The following CMTR1 variants were observed in gnomAD, a reference collection of about 807,000 sequenced individuals.
CMTR1 encodes the protein cap methyltransferase 1.
CMTR1 carries 39 observed loss-of-function variants against 107.0 expected under a neutral mutation model. The observed-to-expected ratio is 0.36, with a 90% CI of 0.28 to 0.48. The LOEUF (loss-of-function observed/expected upper bound fraction) is 0.48. Among genes scored for constraint, CMTR1 ranks in the 20% least tolerant of loss-of-function variants. CMTR1 has a pLI of 0.99. For missense variants in CMTR1, 672 were observed against 1,064.9 expected (o/e 0.63, Z 5.14); for synonymous variants, 366 against 379.5 (o/e 0.96, Z 0.41).
the CMTR1 span, among the ~76,000 whole-genome samples, chr6:37,425,979 A>AT: frequency 6.6e-6 from 1 of 151,758 alleles, no homozygotes; most frequent in Non-Finnish European, 1.5e-5. Context: ...TGTCTTTTTT[A>AT]TTTTTGTTCC....
chr6:37,461,664 T>C lies in CMTR1; in HGVS notation c.1192+19T>C. 1 of 1,533,998 alleles carries C rather than the reference T, an allele frequency of 6.5e-7. No homozygotes were observed. Among genetic ancestry groups the C allele is most frequent in the Admixed American group, 1.8e-5 (1 of 55,782 alleles). On this transcript the variant is annotated intron_variant, in intron 11 of 23. Coordinates refer to ENST00000373451, the MANE Select transcript of CMTR1 (RefSeq NM_015050.3). ...CGGACAGGTGACACTTCCTCAGCTG[T>C]CTCCTCACCCCAGGACCCACTTAGA...
intron 4 of CMTR1, among the ~76,000 whole-genome samples, chr6:37,446,744 C>T (rs1771805852): frequency 6.6e-6 from 1 of 152,180 alleles, no homozygotes; most frequent in Non-Finnish European, 1.5e-5. Context: ...TACAGCTCTC[C>T]ACTAGTGGAC....
intron 14 of CMTR1, 71 bp from the exon 15 acceptor site, chr6:37,471,776 A>G: frequency 7.3e-7 from 1 of 1,366,994 alleles, no homozygotes; most frequent in Non-Finnish European, 1.0e-6. Flanking sequence ...TCTATGGGAT[A>G]TGAGGGGTGC....
intron 6 of CMTR1, among the ~76,000 whole-genome samples, chr6:37,452,635 C>T (rs1761204968): frequency 1.3e-5 from 2 of 152,046 alleles, no homozygotes; most frequent in South Asian, 2.1e-4. Context: ...ATCAGAAAAC[C>T]CTAGTCTTGT....
rs1771796777 is a variant in CMTR1 at position 37,446,443 on chromosome 6, G to C, written c.438G>C (p.Glu146Asp). 6.2e-7 allele frequency: 1 copy of C among 1,612,666 alleles called. No individual in the cohort carries two copies. Reference sequence around the variant, plus strand: ...AGCTGAACGTGGACTGGCGAGATGAGCCAGAGGTAAGTGTTAAAGTGAGGA... The same window carrying C: ...AGCTGAACGTGGACTGGCGAGATGACCCAGAGGTAAGTGTTAAAGTGAGGA... ...DQELNVDWRD[E>D]PEPSACEQVS... Residue 146 changes from glutamate (E) to aspartate (D), a missense_variant, in exon 4 of 24, where the codon GAG becomes GAC. Transcript: ENST00000373451.
intron 13 of CMTR1, among the ~76,000 whole-genome samples, chr6:37,470,074 AATTTCT>A (rs1416355355): frequency 3.9e-5 from 6 of 151,922 alleles, no homozygotes; most frequent in Non-Finnish European, 8.8e-5. Context: ...TCATTTCTAG[AATTTCT>A]ATTTGCCTTT....
At chr6:37,464,928 G>GTA (rs1554121631) in intron 13 of CMTR1, among the ~76,000 whole-genome samples, 2 of 99,862 alleles carry the variant, frequency 2.0e-5, no homozygotes, top group Non-Finnish European at 4.3e-5. Context: ...GTGTGTGTGT[G>GTA]TACAGACAAA....
At chr6:37,470,975 G>A in intron 13 of CMTR1, 46 bp from the exon 14 acceptor site, 1 of 1,526,582 alleles carries the variant, frequency 6.6e-7, no homozygotes, top group Non-Finnish European at 8.9e-7. Context: ...TCAGTTACCT[G>A]TCTTTTTTGG....
In CMTR1 at chr6:37,474,644, G is replaced by C; in HGVS notation, c.1942G>C (p.Glu648Gln). ...SVEIVHELKG[E>Q]GKAQRKISAI... Reference sequence around the variant, plus strand: ...GGAAATTGTGCATGAGCTGAAAGGGGAGGTCAGAGATGGTTCTGCTCAGGT... The same window carrying C: ...GGAAATTGTGCATGAGCTGAAAGGGCAGGTCAGAGATGGTTCTGCTCAGGT... The change falls in exon 18 of 24, where the codon GAG becomes CAG. Residue 648 changes from glutamate to glutamine, a missense_variant and splice_region_variant. Physicochemically the swap from Glu to Gln is conservative, Grantham distance 29 (BLOSUM62 2). This residue lies in a region of CMTR1 where 583 missense variants were observed against 968.4 expected (regional missense o/e 0.60). Coordinates refer to ENST00000373451, the MANE Select transcript of CMTR1 (RefSeq NM_015050.3). The C allele has an allele frequency of 6.2e-7, 1 of 1,613,698 alleles. No homozygotes were observed. Among genetic ancestry groups the C allele is most frequent in the Non-Finnish European group, 8.5e-7 (1 of 1,179,742 alleles).
At chr6:37,454,642 A>G (rs571537818) in intron 8 of CMTR1, among the ~76,000 whole-genome samples, 1 of 152,160 alleles carries the variant, frequency 6.6e-6, no homozygotes, top group Admixed American at 6.5e-5. Flanking sequence ...GGGTTGTACC[A>G]TTCAGGTTGA....
chr6:37,428,032 GA>G, the CMTR1 span, among the ~76,000 whole-genome samples: 7 of 148,238 alleles, frequency 4.7e-5, no homozygotes, highest in Non-Finnish European at 9.1e-5. Context: ...GAGAGAGAGA[GA>G]GAGAGAGAGA....
chr6:37,460,058 A>G (rs543411555), intron 10 of CMTR1, among the ~76,000 whole-genome samples: 11 of 152,176 alleles, frequency 7.2e-5, no homozygotes, highest in Admixed American at 1.3e-4. Flanking sequence ...GGCCTTGTCT[A>G]TGGGCAGCTG....
At position 37,458,854 on chromosome 6, in the gene CMTR1, C is replaced by G. The variant is rs1474605511; in HGVS notation, c.976+44C>G. 1 of 1,573,986 alleles carries G rather than the reference C, an allele frequency of 6.4e-7. No homozygotes were observed. The highest frequency in any genetic ancestry group is 2.2e-5 in the East Asian group (1 of 44,618). Reference sequence around the variant, plus strand: ...GTACTAGGAGGTATGAGGGACAGCCCCTCTATGGGGACTTCAGGTCAGAAG... The same window carrying G: ...GTACTAGGAGGTATGAGGGACAGCCGCTCTATGGGGACTTCAGGTCAGAAG... On this transcript the variant is annotated intron_variant, in intron 9 of 23. Transcript: ENST00000373451. The surrounding 1 kb of genome is among the most constrained non-coding windows in gnomAD (Gnocchi z 4.7).
upstream of CMTR1, among the ~76,000 whole-genome samples, chr6:37,430,803 A>G (rs1771351654): frequency 6.6e-6 from 1 of 152,148 alleles, no homozygotes; most frequent in Admixed American, 6.5e-5. Flanking sequence ...TCACGAGGTC[A>G]GGAGATCAAG....
At chr6:37,478,047 C>T (rs1761774303) in intron 21 of CMTR1, among the ~76,000 whole-genome samples, 1 of 152,204 alleles carries the variant, frequency 6.6e-6, no homozygotes, top group Non-Finnish European at 1.5e-5. Flanking sequence ...CGGGTGCTCA[C>T]AGAACTCAGT....
At chr6:37,435,137 ATAT>A (rs1771499018) in intron 1 of CMTR1, among the ~76,000 whole-genome samples, 1 of 152,114 alleles carries the variant, frequency 6.6e-6, no homozygotes, top group Admixed American at 6.5e-5. Context: ...TATTTTTATG[ATAT>A]TATGTAATTT....
intron 8 of CMTR1, among the ~76,000 whole-genome samples, chr6:37,457,528 A>G (rs12200378): frequency 0.4 from 61,099 of 152,052 alleles, 15,190 homozygotes; most frequent in Middle Eastern, 0.6. Context: ...GAAAAAGAAC[A>G]TTAGTGAAAA....
intron 13 of CMTR1, among the ~76,000 whole-genome samples, chr6:37,469,036 C>T (rs759147173): frequency 8.5e-5 from 13 of 152,080 alleles, no homozygotes; most frequent in Non-Finnish European, 1.3e-4. Flanking sequence ...AAACTCCCTT[C>T]TGGCCAAAGA....
At chr6:37,459,848 A>G (rs1336232352) in intron 10 of CMTR1, among the ~76,000 whole-genome samples, 164 bp downstream of exon 10, 1 of 152,176 alleles carries the variant, frequency 6.6e-6, no homozygotes, top group Non-Finnish European at 1.5e-5. Flanking sequence ...TTTTTAAATG[A>G]TAATTGTGTA....
Sources: allele counts gnomAD v4.1 joint callset (sites outside exome capture counted in the v4.1 genomes callset), GRCh38; gene constraint gnomAD v4.1.1; regional missense constraint gnomAD v4.1.1; non-coding constraint Gnocchi (gnomAD v3.1); transcripts MANE v1.5; gene names NCBI Gene and HGNC (gene_info 2026-07-23, HGNC 2026-07-21).